Variants in STK32A observed in about 807,000 individuals in gnomAD.
STK32A encodes the protein serine/threonine-protein kinase 32A.
A neutral mutation model predicts 53.2 loss-of-function variants in STK32A; 41 were observed. The observed-to-expected ratio is 0.77, with a 90% confidence interval of 0.60 to 1.00. The LOEUF (loss-of-function observed/expected upper bound fraction) is 1.00, where lower values mean the gene tolerates loss of function less well. Among genes scored for constraint, STK32A ranks in the 50% least tolerant of loss-of-function variants. The probability of loss-of-function intolerance (pLI) is 0.00; values close to 1 mark genes in which losing one functional copy is unlikely to be tolerated. For missense variants in STK32A, 458 were observed against 485.8 expected, an observed-to-expected ratio of 0.94 and a Z score of 0.54; for synonymous variants, 166 against 162.8, an observed-to-expected ratio of 1.02 and a Z score of -0.15.
intron 6 of STK32A, among the ~76,000 whole-genome samples, chr5:147,344,536 G>A (rs1204041894): frequency 6.6e-6 from 1 of 152,192 alleles, no homozygotes. Flanking sequence ...TACTTGGGAG[G>A]CTGAGGCAGG....
the STK32A span, among the ~76,000 whole-genome samples, chr5:147,400,413 C>G: frequency 6.6e-6 from 1 of 152,308 alleles, no homozygotes; most frequent in South Asian, 2.1e-4. Flanking sequence ...ATTTTAAGTA[C>G]AGGCTATTCG....
chr5:147,370,438 A>C, intron 8 of STK32A, among the ~76,000 whole-genome samples: 1 of 152,154 alleles, frequency 6.6e-6, no homozygotes, highest in African/African-American at 2.4e-5. Flanking sequence ...GGTATTTTAG[A>C]AGCGACCATA....
At chr5:147,248,717 G>A in intron 2 of STK32A, among the ~76,000 whole-genome samples, 1 of 152,164 alleles carries the variant, frequency 6.6e-6, no homozygotes, top group East Asian at 1.9e-4. Flanking sequence ...CCATTGCTTG[G>A]TTTTGGCACC....
intron 2 of STK32A, among the ~76,000 whole-genome samples, chr5:147,240,795 T>G (rs1411721756): frequency 6.6e-6 from 1 of 152,220 alleles, no homozygotes; most frequent in East Asian, 1.9e-4. Flanking sequence ...CCAGGTGATG[T>G]GTGGTTCCAG....
At chr5:147,328,481 C>T (rs931682884) in intron 5 of STK32A, among the ~76,000 whole-genome samples, 1 of 152,148 alleles carries the variant, frequency 6.6e-6, no homozygotes, top group Admixed American at 6.5e-5. Flanking sequence ...GTTAAAGACA[C>T]AGGGTTGCAT....
At chr5:147,273,286 A>T (rs73794372) in intron 2 of STK32A, among the ~76,000 whole-genome samples, 10,058 of 152,278 alleles carry the variant, frequency 0.066, 396 homozygotes, top group South Asian at 0.085. Flanking sequence ...GATTCAACAT[A>T]TAATTCTAAA....
At chr5:147,382,145 C>T (rs1757477145) in intron 11 of STK32A, among the ~76,000 whole-genome samples, 1 of 152,154 alleles carries the variant, frequency 6.6e-6, no homozygotes, top group Admixed American at 6.5e-5. Flanking sequence ...TCCTCAGACT[C>T]AGTAATTTCC....
intron 11 of STK32A, among the ~76,000 whole-genome samples, chr5:147,382,624 G>A (rs1408636171): frequency 6.6e-6 from 1 of 151,872 alleles, no homozygotes; most frequent in Non-Finnish European, 1.5e-5. Flanking sequence ...TTTTATTATT[G>A]TTGTAAGCTG....
At chr5:147,400,065 T>A in the STK32A span, among the ~76,000 whole-genome samples, 1 of 152,238 alleles carries the variant, frequency 6.6e-6, no homozygotes, top group African/African-American at 2.4e-5. Flanking sequence ...GTTTTTAGGA[T>A]TTTTGAAATG....
intron 11 of STK32A, among the ~76,000 whole-genome samples, chr5:147,382,365 C>G (rs1037480330): frequency 1.3e-5 from 2 of 151,870 alleles, no homozygotes; most frequent in African/African-American, 2.4e-5. Context: ...CTTCCTTTAG[C>G]TCTTTGAGCA....
chr5:147,333,622 C>T (rs1450910269), intron 5 of STK32A, among the ~76,000 whole-genome samples: 1 of 152,128 alleles, frequency 6.6e-6, no homozygotes, highest in African/African-American at 2.4e-5. Flanking sequence ...ATGATATATT[C>T]TAATGAATAT....
chr5:147,336,797 A>G (rs1329811178), intron 5 of STK32A, among the ~76,000 whole-genome samples: 1 of 152,100 alleles, frequency 6.6e-6, no homozygotes, highest in Admixed American at 6.6e-5. Context: ...CATCTGTGAC[A>G]CCCTAAATAA....
intron 4 of STK32A, among the ~76,000 whole-genome samples, chr5:147,311,290 T>C (rs1002287852): frequency 6.6e-6 from 1 of 152,224 alleles, no homozygotes; most frequent in Non-Finnish European, 1.5e-5. Flanking sequence ...TTATAGATGA[T>C]TGGCTTCAGG....
At chr5:147,350,958 G>A (rs1198955085) in intron 6 of STK32A, 107 bp from the exon 7 acceptor site, 1 of 866,350 alleles carries the variant, frequency 1.2e-6, no homozygotes, top group Admixed American at 2.0e-5. Flanking sequence ...GACTGCAACT[G>A]GCCTACAAGA....
chr5:147,390,476 A>AT (rs1250764328), downstream of STK32A, among the ~76,000 whole-genome samples: 2 of 124,024 alleles, frequency 1.6e-5, no homozygotes, highest in Non-Finnish European at 3.2e-5. Flanking sequence ...TAGGGGAAAG[A>AT]CCAAAAAAAA....
At chr5:147,373,403 G>T (rs1757092474) in intron 10 of STK32A, 109 bp downstream of exon 10, 1 of 1,424,684 alleles carries the variant, frequency 7.0e-7, no homozygotes, top group Non-Finnish European at 9.5e-7. Flanking sequence ...TGTTAAGAGA[G>T]CCCCAATTCC....
downstream of STK32A, among the ~76,000 whole-genome samples, chr5:147,389,740 G>A (rs1214001553): frequency 5.9e-5 from 9 of 152,058 alleles, no homozygotes; most frequent in African/African-American, 2.2e-4. Context: ...TTGTGGTGGC[G>A]CGTGCCTGTA....
intron 2 of STK32A, among the ~76,000 whole-genome samples, chr5:147,260,013 G>A (rs1304639048): frequency 1.9e-5 from 2 of 104,838 alleles, no homozygotes; most frequent in Non-Finnish European, 3.8e-5. Flanking sequence ...TCTCTCCTCT[G>A]TCTCTTTGTC....
chr5:147,309,172 T>G (rs1753568749), intron 4 of STK32A, among the ~76,000 whole-genome samples: 1 of 152,024 alleles, frequency 6.6e-6, no homozygotes. Context: ...GAGCTGACCT[T>G]AGGTGGAAGT....
Sources: allele counts gnomAD v4.1 joint callset (sites outside exome capture counted in the v4.1 genomes callset), GRCh38; gene constraint gnomAD v4.1.1; transcripts MANE v1.5; gene names NCBI Gene and HGNC (gene_info 2026-07-23, HGNC 2026-07-21).